The following MCTP1 variants were observed in gnomAD, a reference collection of about 807,000 sequenced individuals.
The protein encoded by MCTP1 is multiple C2 and transmembrane domain-containing protein 1.
A neutral mutation model predicts 120.6 loss-of-function variants in MCTP1; 69 were observed. The observed-to-expected ratio is 0.57, with a 90% CI of 0.47 to 0.70. MCTP1 has a LOEUF of 0.70. Among genes scored for constraint, MCTP1 ranks in the 30% least tolerant of loss-of-function variants. The probability of loss-of-function intolerance (pLI) is 0.00; values close to 1 mark genes in which losing one functional copy is unlikely to be tolerated. For synonymous variants in MCTP1, 529 were observed against 493.1 expected (o/e 1.07, Z -0.96); for missense variants, 1,203 against 1,248.8 (o/e 0.96, Z 0.55).
chr5:94,714,459 A>C, intron 20 of MCTP1, among the ~76,000 whole-genome samples: 1 of 152,152 alleles, frequency 6.6e-6, no homozygotes, highest in East Asian at 1.9e-4. Context: ...TTTTTTTCCT[A>C]TCACAATTTC....
intron 1 of MCTP1, among the ~76,000 whole-genome samples, chr5:95,185,716 G>A (rs113905138): frequency 9.5e-4 from 145 of 152,014 alleles, no homozygotes; most frequent in African/African-American, 3.5e-3. Context: ...TGGGAAGTGA[G>A]GCCAGGCATG....
chr5:95,072,844 C>T (rs1752588142), intron 1 of MCTP1, among the ~76,000 whole-genome samples: 1 of 143,152 alleles, frequency 7.0e-6, no homozygotes. Context: ...CTCCCGGGTT[C>T]ACGCCTTTCT....
At chr5:95,033,587 A>G (rs901957641) in intron 1 of MCTP1, among the ~76,000 whole-genome samples, 2 of 152,098 alleles carry the variant, frequency 1.3e-5, no homozygotes, top group African/African-American at 2.4e-5. Context: ...TCAAAATAAC[A>G]AAACAAATTT....
chr5:94,705,482 A>G lies in MCTP1; in HGVS notation c.*2014T>C, dbSNP rs1272232812. On this transcript the variant is annotated 3_prime_UTR_variant, in exon 23 of 23. Coordinates refer to ENST00000515393, the MANE Select transcript of MCTP1 (RefSeq NM_024717.7). ...ATATAGTTTTTAAGAATATGCACAC[A>G]ATCCCTCATCAATCTCTGAACCACC... is the stretch of plus-strand genomic sequence containing the variant. 6.7e-6 allele frequency: 1 copy of G among 148,758 alleles called. No homozygotes were observed. The highest frequency in any genetic ancestry group is 1.5e-5 in the Non-Finnish European group (1 of 66,888). The allele number at this position is 148,758 out of a possible 1,614,324, so 9.2% of individuals were successfully genotyped here. A position where few individuals can be genotyped will look rare whatever the true frequency, so the allele number is the denominator to read the frequency against.
At chr5:94,851,888 C>T (rs1006811093) in intron 17 of MCTP1, among the ~76,000 whole-genome samples, 2 of 151,858 alleles carry the variant, frequency 1.3e-5, no homozygotes, top group South Asian at 4.2e-4. Context: ...TATTAACCTA[C>T]AGGTGTTTTC....
intron 1 of MCTP1, among the ~76,000 whole-genome samples, chr5:95,263,366 G>A (rs1370651437): frequency 6.6e-6 from 1 of 152,124 alleles, no homozygotes; most frequent in Admixed American, 6.6e-5. Flanking sequence ...AGCATCTCAT[G>A]CCTCCCTTCC....
chr5:95,222,598 C>T (rs531632300), intron 1 of MCTP1, among the ~76,000 whole-genome samples: 5 of 152,290 alleles, frequency 3.3e-5, no homozygotes, highest in African/African-American at 1.2e-4. Flanking sequence ...CATGGTTTTA[C>T]AGTTTGTTTC....
chr5:94,737,218 T>G (rs2152732033), intron 19 of MCTP1, among the ~76,000 whole-genome samples: 1 of 151,662 alleles, frequency 6.6e-6, no homozygotes. Context: ...AGAATATTTT[T>G]ATCTCAGAGG....
At chr5:95,121,647 A>T (rs1021191124) in intron 1 of MCTP1, among the ~76,000 whole-genome samples, 3 of 152,004 alleles carry the variant, frequency 2.0e-5, no homozygotes, top group African/African-American at 7.2e-5. Context: ...AGAAAAAAAA[A>T]ATCCTAAAAT....
Position 95,283,915 on chromosome 5 carries a change from C to T in MCTP1, c.661G>A (p.Ala221Thr). The change falls in exon 1 of 23, where the codon GCG becomes ACG. Residue 221 changes from alanine to threonine, a missense_variant. Physicochemically the swap from Ala to Thr is moderately conservative, Grantham distance 58. This residue lies in a region of MCTP1 where 463 missense variants were observed against 377.8 expected (regional missense o/e 1.23). Transcript: ENST00000515393. ...GCCCGAGACTCCGCGGGACTCCGCG[C>T]CGGCTCTGCGGGAGGAGGCGGCGGC... Reference protein sequence around the residue: ...LEPPPPPAEPARSPAESRAPE... With the variant: ...LEPPPPPAEPTRSPAESRAPE... 1 of 1,395,084 alleles carries T rather than the reference C, an allele frequency of 7.2e-7. No individual in the cohort carries two copies. The highest frequency in any genetic ancestry group is 9.2e-7 in the Non-Finnish European group (1 of 1,082,966). 86.4% of individuals were successfully genotyped at this position (1,395,084 alleles called of 1,614,324 possible).
intron 1 of MCTP1, among the ~76,000 whole-genome samples, chr5:95,256,178 G>A (rs1258518526): frequency 6.6e-6 from 1 of 152,068 alleles, no homozygotes; most frequent in Admixed American, 6.6e-5. Context: ...AGAAGAATGA[G>A]AGCAAAGGAG....
chr5:94,932,005 A>G lies in MCTP1; in HGVS notation c.1174-14T>C. 1 of 1,575,862 alleles carries G rather than the reference A, an allele frequency of 6.3e-7. No individual in the cohort carries two copies. The highest frequency in any genetic ancestry group is 8.7e-7 in the Non-Finnish European group (1 of 1,147,212). Reference sequence around the variant, plus strand: ...CATTAGCATTGTCTGTAAATAAAATAAAGCATTTTCATTATCTTTTCACTC... The same window carrying G: ...CATTAGCATTGTCTGTAAATAAAATGAAGCATTTTCATTATCTTTTCACTC... On this transcript the variant is annotated splice_polypyrimidine_tract_variant and intron_variant, in intron 5 of 22. Coordinates refer to ENST00000515393, the MANE Select transcript of MCTP1 (RefSeq NM_024717.7).
At chr5:94,927,535 C>G (rs188615494) in intron 6 of MCTP1, among the ~76,000 whole-genome samples, 1 of 151,966 alleles carries the variant, frequency 6.6e-6, no homozygotes, top group Non-Finnish European at 1.5e-5. Context: ...AGTCTATGAC[C>G]AAGAGTTTTC....
intron 1 of MCTP1, among the ~76,000 whole-genome samples, chr5:95,066,449 A>AAAAAATT (rs1484376234): frequency 6.6e-6 from 1 of 152,192 alleles, no homozygotes; most frequent in Admixed American, 6.5e-5. Context: ...GAGGTTCCTC[A>AAAAAATT]AAAAATTAAA....
At chr5:94,930,401 G>A (rs1814359325) in intron 6 of MCTP1, among the ~76,000 whole-genome samples, 1 of 149,982 alleles carries the variant, frequency 6.7e-6, no homozygotes, top group African/African-American at 2.5e-5. Flanking sequence ...AGCCTCCCTA[G>A]CAGCTGGGAT....
At chr5:94,869,129 A>T (rs56025104) in intron 16 of MCTP1, among the ~76,000 whole-genome samples, 1 of 151,922 alleles carries the variant, frequency 6.6e-6, no homozygotes, top group Non-Finnish European at 1.5e-5. Context: ...TGATATAATT[A>T]GAAATTAAAA....
At chr5:95,212,189 C>T (rs1752465526) in intron 1 of MCTP1, among the ~76,000 whole-genome samples, 1 of 152,090 alleles carries the variant, frequency 6.6e-6, no homozygotes, top group South Asian at 2.1e-4. Flanking sequence ...GGGGACATCA[C>T]CACCAATCCC....
chr5:94,926,465 C>T (rs2153471008), intron 6 of MCTP1, among the ~76,000 whole-genome samples: 1 of 152,224 alleles, frequency 6.6e-6, no homozygotes, highest in Admixed American at 6.5e-5. Context: ...AACAATGGCT[C>T]TTGGATGCTT....
At chr5:94,961,083 T>A (rs1824022208) in intron 2 of MCTP1, among the ~76,000 whole-genome samples, 1 of 152,136 alleles carries the variant, frequency 6.6e-6, no homozygotes, top group South Asian at 2.1e-4. Flanking sequence ...AATGGAATAC[T>A]ATGCAGTCAT....
Sources: gnomAD v4.1 joint callset for allele counts (sites outside exome capture counted in the v4.1 genomes callset) on GRCh38, gnomAD v4.1.1 for gene constraint, gnomAD v4.1.1 regional missense constraint, MANE v1.5 for transcripts, NCBI Gene and HGNC (gene_info 2026-07-23, HGNC 2026-07-21) for gene names.